Variants in AGAP1 observed in about 807,000 individuals in gnomAD.
AGAP1 encodes arf-GAP with GTPase, ANK repeat and PH domain-containing protein 1.
AGAP1 carries 29 observed loss-of-function variants against 105.3 expected under a neutral mutation model. The ratio of observed to expected loss-of-function variants is 0.28; its 90% CI spans 0.21 to 0.38. The LOEUF is 0.38. Among genes scored for constraint, AGAP1 ranks in the 10% least tolerant of loss-of-function variants. The pLI is 1.00. For missense variants in AGAP1, 998 were observed against 1,165.1 expected (o/e 0.86, Z 2.09); for synonymous variants, 509 against 485.9 (o/e 1.05, Z -0.63).
At position 235,640,721 on chromosome 2, in the gene AGAP1, G is replaced by A. The variant is rs1054381092; in HGVS notation, c.164-68458G>A. ...TCCCCTGTCTTCTATTAAAAATGTC[G>A]TGGGGGCAAATTCTAAAGAATAGTC... On this transcript the variant is annotated intron_variant, in intron 1 of 17. Transcript: ENST00000304032. 7.2e-5 allele frequency among the ~76,000 whole-genome samples: 11 copies of A among 152,176 alleles called. No homozygotes were observed. In the East Asian group the frequency reaches 9.6e-4, roughly 13 times the overall value.
rs954694983 is a variant in AGAP1 at position 235,517,018 on chromosome 2, C to T, written c.163+22169C>T. The stretch of plus-strand genomic sequence containing the variant: ...TGGCTCTGGAGGGGCTTGGCGCCTA[C>T]GTTAGTCAGCTCGGGCTGCCACGAC... On this transcript the variant is annotated intron_variant, in intron 1 of 17. Transcript: ENST00000304032. This position sits in a 1 kb window ranked among gnomAD's most constrained non-coding sequence, Gnocchi z 4.1. Among the ~76,000 whole-genome samples the T allele has an allele frequency of 3.3e-5, 5 of 152,190 alleles. No homozygotes were observed. Among genetic ancestry groups the T allele is most frequent in the African/African-American group, 9.6e-5 (4 of 41,460 alleles).
At chr2:235,916,694 A>C (rs2125083113) in intron 11 of AGAP1, among the ~76,000 whole-genome samples, 1 of 152,360 alleles carries the variant, frequency 6.6e-6, no homozygotes, top group Non-Finnish European at 1.5e-5. Context: ...CATTCCTTTG[A>C]AAAGCTTGGC....
chr2:235,841,195 A>G (rs75257294), intron 9 of AGAP1, among the ~76,000 whole-genome samples: 2,275 of 152,238 alleles, frequency 0.015, 44 homozygotes, highest in African/African-American at 0.052. Context: ...CCCAACTGTG[A>G]TGCTAAAGGG....
rs867842087 is a variant in AGAP1 at position 235,961,443 on chromosome 2, C to T, written c.1484-7019C>T. On this transcript the variant is annotated intron_variant, in intron 12 of 17. Transcript: ENST00000304032. This position sits in a 1 kb window ranked among gnomAD's most constrained non-coding sequence, Gnocchi z 5.9. ...TGATGCAGCACCTGCAGGGTGCCGC[C>T]GGCCCCAGCAAGGACACACCAGTGG... 6.6e-6 allele frequency among the ~76,000 whole-genome samples: 1 copy of T among 152,188 alleles called. No homozygotes were observed. The highest frequency in any genetic ancestry group is 2.4e-5 in the African/African-American group (1 of 41,436).
intron 15 of AGAP1, among the ~76,000 whole-genome samples, chr2:236,047,636 G>A (rs2057763386): frequency 1.1e-5 from 1 of 91,800 alleles, no homozygotes; most frequent in African/African-American, 5.2e-5. Flanking sequence ...GTCTCGTTCT[G>A]TCACCCAGGC....
chr2:235,720,081 A>G lies in AGAP1; in HGVS notation c.310+2437A>G, dbSNP rs1412804056. Reference sequence around the variant, plus strand: ...CTCATGACAGTGGCAGGAGGGAGCCATAACTTGTTGTAATGTCACTTGTAA... The same window carrying G: ...CTCATGACAGTGGCAGGAGGGAGCCGTAACTTGTTGTAATGTCACTTGTAA... On this transcript the variant is annotated intron_variant, in intron 3 of 17. Coordinates refer to ENST00000304032, the MANE Select transcript of AGAP1 (RefSeq NM_001037131.3). This position sits in a 1 kb window ranked among gnomAD's most constrained non-coding sequence, Gnocchi z 5.0. 6.6e-6 allele frequency among the ~76,000 whole-genome samples: 1 copy of G among 152,140 alleles called. No individual in the cohort carries two copies. The highest frequency in any genetic ancestry group is 2.4e-5 in the African/African-American group (1 of 41,440).
chr2:235,625,785 GAAAATT>G lies in AGAP1; in HGVS notation c.164-83388_164-83383del, dbSNP rs1337271935. On this transcript the variant is annotated intron_variant, in intron 1 of 17. Coordinates refer to ENST00000304032, the MANE Select transcript of AGAP1 (RefSeq NM_001037131.3). The surrounding 1 kb of genome is among the most constrained non-coding windows in gnomAD (Gnocchi z 4.0). ...GTAATCATGGCTCAGGTTTCTAAGA[GAAAATT>G]AAAATAATTTAGGATGTTGCCCCAC... Among the ~76,000 whole-genome samples, 2 of 152,184 alleles carry G rather than the reference GAAAATT, an allele frequency of 1.3e-5. No homozygotes were observed. The highest frequency in any genetic ancestry group is 2.9e-5 in the Non-Finnish European group (2 of 68,054).
At position 236,104,154 on chromosome 2, in the gene AGAP1, C is replaced by T. The variant is rs2059426988; in HGVS notation, c.2115-16038C>T. ...CCCAGGAGCCCCGCAAGGCGGGAGG[C>T]CTGTGTAAAGGCCTGCAGGAAGAGG... On this transcript the variant is annotated intron_variant, in intron 16 of 17. Transcript: ENST00000304032. The surrounding 1 kb of genome is among the most constrained non-coding windows in gnomAD (Gnocchi z 4.7). 6.6e-6 allele frequency among the ~76,000 whole-genome samples: 1 copy of T among 152,216 alleles called. No homozygotes were observed. Among genetic ancestry groups the T allele is most frequent in the Admixed American group, 6.5e-5 (1 of 15,282 alleles).
chr2:236,068,822 T>A lies in AGAP1; in HGVS notation c.2114+19541T>A, dbSNP rs1450492479. 2.7e-4 allele frequency among the ~76,000 whole-genome samples: 36 copies of A among 135,778 alleles called. 1 individual carries two copies. In the East Asian group the frequency reaches 7.1e-3, roughly 27 times the overall value. The allele number at this position is 135,778 out of a possible 152,430, so 89.1% of individuals were successfully genotyped here. ...CAAAAAAAAAAAAAAAAAAAAAAAATTTATCCTAAAAACTGAAGGATGTAG... is the reference window on the plus strand; with the variant it reads ...CAAAAAAAAAAAAAAAAAAAAAAAAATTATCCTAAAAACTGAAGGATGTAG... On this transcript the variant is annotated intron_variant, in intron 16 of 17. Coordinates refer to ENST00000304032, the MANE Select transcript of AGAP1 (RefSeq NM_001037131.3).
Position 235,691,875 on chromosome 2 carries a change from A to C in AGAP1, c.164-17304A>C, listed in dbSNP as rs1307953371. 6.6e-6 allele frequency among the ~76,000 whole-genome samples: 1 copy of C among 152,192 alleles called. No homozygotes were observed. Among genetic ancestry groups the C allele is most frequent in the African/African-American group, 2.4e-5 (1 of 41,452 alleles). ...TGGCCAGTGACATCCAGGAGAGGGA[A>C]CTTAGAGGCAAGGCAGGGATGCAAA... On this transcript the variant is annotated intron_variant, in intron 1 of 17. Transcript: ENST00000304032. This position sits in a 1 kb window ranked among gnomAD's most constrained non-coding sequence, Gnocchi z 4.4.
intron 6 of AGAP1, 59 bp from the exon 7 acceptor site, chr2:235,797,700 C>G (rs1957305927): frequency 8.7e-6 from 14 of 1,606,146 alleles, no homozygotes; most frequent in Non-Finnish European, 1.2e-5. Flanking sequence ...GATCTCTGCT[C>G]TGTTCCTGAA....
chr2:235,629,729 AT>A (rs1459283798), intron 1 of AGAP1, among the ~76,000 whole-genome samples: 2 of 148,630 alleles, frequency 1.3e-5, no homozygotes, highest in East Asian at 3.9e-4. Flanking sequence ...AAAAAAAAAA[AT>A]AGCTGGACGT....
At chr2:235,968,937 C>T (rs2054524230) in intron 13 of AGAP1, among the ~76,000 whole-genome samples, 1 of 152,268 alleles carries the variant, frequency 6.6e-6, no homozygotes, top group South Asian at 2.1e-4. Context: ...GCAGCCTGGG[C>T]GAGTGTCCTC....
chr2:235,857,506 T>A (rs10205306), intron 9 of AGAP1, among the ~76,000 whole-genome samples: 71,423 of 152,048 alleles, frequency 0.47, 19,101 homozygotes, highest in East Asian at 0.8. Context: ...TCACAGTGTG[T>A]GTGCATGTCC....
chr2:235,582,922 C>G lies in AGAP1; in HGVS notation c.163+88073C>G, dbSNP rs1018727438. On this transcript the variant is annotated intron_variant, in intron 1 of 17. Coordinates refer to ENST00000304032, the MANE Select transcript of AGAP1 (RefSeq NM_001037131.3). This position sits in a 1 kb window ranked among gnomAD's most constrained non-coding sequence, Gnocchi z 4.7. Reference sequence around the variant, plus strand: ...AGTGTGTTCCGGAATCGGGAGGAAGCTTGTAAGGCTGCTTTCCACTCATTT... The same window carrying G: ...AGTGTGTTCCGGAATCGGGAGGAAGGTTGTAAGGCTGCTTTCCACTCATTT... Among the ~76,000 whole-genome samples the G allele has an allele frequency of 6.6e-6, 1 of 152,240 alleles. No homozygotes were observed. Among genetic ancestry groups the G allele is most frequent in the African/African-American group, 2.4e-5 (1 of 41,458 alleles).
In AGAP1 at chr2:235,777,936, A is replaced by T. The variant is rs899765294; in HGVS notation, c.674-19823A>T. On this transcript the variant is annotated intron_variant, in intron 6 of 17. Coordinates refer to ENST00000304032, the MANE Select transcript of AGAP1 (RefSeq NM_001037131.3). This position sits in a 1 kb window ranked among gnomAD's most constrained non-coding sequence, Gnocchi z 5.1. ...TGTTTGTAGTGGTTGGAAGGAGGGG[A>T]CTTCCTTGGCCCCTCCTGGCTCTGC... 2.6e-5 allele frequency among the ~76,000 whole-genome samples: 4 copies of T among 151,792 alleles called. No homozygotes were observed. Among genetic ancestry groups the T allele is most frequent in the African/African-American group, 9.7e-5 (4 of 41,284 alleles).
At chr2:236,039,343 G>T (rs1192433969) in intron 14 of AGAP1, among the ~76,000 whole-genome samples, 2 of 152,136 alleles carry the variant, frequency 1.3e-5, no homozygotes, top group African/African-American at 4.8e-5. Flanking sequence ...TACTCAGGAG[G>T]CTGAGGTGGG....
At chr2:235,868,213 A>C (rs1225977248) in intron 9 of AGAP1, among the ~76,000 whole-genome samples, 1 of 151,880 alleles carries the variant, frequency 6.6e-6, no homozygotes, top group Non-Finnish European at 1.5e-5. Flanking sequence ...TTTTAGAAGT[A>C]GAAACATTTT....
At chr2:235,819,813 G>A (rs1958681967) in intron 9 of AGAP1, among the ~76,000 whole-genome samples, 1 of 152,072 alleles carries the variant, frequency 6.6e-6, no homozygotes, top group South Asian at 2.1e-4. Flanking sequence ...ACACAGCAGG[G>A]AGGGTATTTG....
Sources: gnomAD v4.1 joint callset for allele counts (sites outside exome capture counted in the v4.1 genomes callset) on GRCh38, gnomAD v4.1.1 for gene constraint, Gnocchi (gnomAD v3.1) non-coding constraint, MANE v1.5 for transcripts, NCBI Gene and HGNC (gene_info 2026-07-23, HGNC 2026-07-21) for gene names.